The following RGS6 variants were observed in gnomAD, a reference collection of about 807,000 sequenced individuals.
The protein encoded by RGS6 is regulator of G protein signaling 6, also known as regulator of G-protein signaling 6.
Under a neutral mutation model 78.5 loss-of-function variants are expected in RGS6, and 30 were observed. The ratio of observed to expected loss-of-function variants is 0.38; its 90% CI spans 0.29 to 0.52. RGS6 has a LOEUF of 0.52. RGS6 is among the 20% of genes least tolerant of loss of function. The pLI, the probability that RGS6 is intolerant of heterozygous loss-of-function variation, is 0.85. For synonymous variants in RGS6, 206 were observed against 206.0 expected, an observed-to-expected ratio of 1.00 and a Z score of 0.00; for missense variants, 495 against 609.7, an observed-to-expected ratio of 0.81 and a Z score of 1.98.
At chr14:72,163,504 AATAAATGC>A (rs2096881204) in intron 2 of RGS6, among the ~76,000 whole-genome samples, 1 of 152,232 alleles carries the variant, frequency 6.6e-6, no homozygotes, top group Admixed American at 6.5e-5. Context: ...AGCCATTGAA[AATAAATGC>A]ATAAATAGCA....
At position 72,340,739 on chromosome 14, in the gene RGS6, T is replaced by A. The variant is rs193171311; in HGVS notation, c.85-11356T>A. ...GAAAATGCACTTCTCTCCAGAGCTC[T>A]GGGAGACTGTGAAAGGCTCTCTCAT... On this transcript the variant is annotated intron_variant, in intron 2 of 17. Coordinates refer to ENST00000553525, the MANE Select transcript of RGS6 (RefSeq NM_001204424.2). Among the ~76,000 whole-genome samples the A allele has an allele frequency of 7.2e-5, 11 of 152,324 alleles. No homozygotes were observed. In the East Asian group the frequency reaches 2.1e-3, roughly 29 times the overall value.
chr14:71,982,405 A>G lies in RGS6; in HGVS notation c.84+17530A>G, dbSNP rs189166432. On this transcript the variant is annotated intron_variant, in intron 2 of 17. Transcript: ENST00000553525. ...CTAGGACAATGTTACGTTACTTCTG[A>G]GAGAACTTAACTATTTTTTTCTTTT... 1.6e-4 allele frequency among the ~76,000 whole-genome samples: 25 copies of G among 152,334 alleles called. No homozygotes were observed. In the East Asian group the frequency reaches 4.2e-3, roughly 26 times the overall value.
At chr14:72,500,052 A>G (rs780102267) in intron 13 of RGS6, among the ~76,000 whole-genome samples, 3 of 152,250 alleles carry the variant, frequency 2.0e-5, no homozygotes, top group Non-Finnish European at 2.9e-5. Context: ...TCACAATGAT[A>G]AAATGAACTT....
At chr14:72,516,366 G>A (rs915292301) in intron 14 of RGS6, among the ~76,000 whole-genome samples, 3 of 152,202 alleles carry the variant, frequency 2.0e-5, no homozygotes, top group African/African-American at 7.2e-5. Flanking sequence ...CAGCTCAAGA[G>A]TCAAGGGCCC....
At chr14:72,539,552 C>T (rs1449873481) in intron 16 of RGS6, among the ~76,000 whole-genome samples, 1 of 152,188 alleles carries the variant, frequency 6.6e-6, no homozygotes, top group Non-Finnish European at 1.5e-5. Context: ...AACTTCGCTT[C>T]CCCGGCAGCC....
At chr14:72,408,618 T>G (rs1453804477) in intron 3 of RGS6, among the ~76,000 whole-genome samples, 4 of 152,206 alleles carry the variant, frequency 2.6e-5, no homozygotes, top group Non-Finnish European at 5.9e-5. Context: ...GTTGAATGAC[T>G]TTTTTATAGA....
chr14:72,137,797 A>G, intron 2 of RGS6, among the ~76,000 whole-genome samples: 1 of 152,200 alleles, frequency 6.6e-6, no homozygotes, highest in East Asian at 1.9e-4. Flanking sequence ...TCACAAACTG[A>G]GAAGCTCTCT....
At chr14:72,346,384 T>G (rs935352343) in intron 2 of RGS6, among the ~76,000 whole-genome samples, 1 of 152,180 alleles carries the variant, frequency 6.6e-6, no homozygotes, top group Non-Finnish European at 1.5e-5. Context: ...AGGAGCAGTG[T>G]GAGGGCCTCT....
At chr14:71,961,507 G>A (rs953760374) in intron 1 of RGS6, among the ~76,000 whole-genome samples, 1 of 152,180 alleles carries the variant, frequency 6.6e-6, no homozygotes, top group African/African-American at 2.4e-5. Context: ...TAAAGGCACA[G>A]AGAGGAGAAG....
At chr14:72,435,370 T>C (rs753671783) in intron 3 of RGS6, among the ~76,000 whole-genome samples, 19 of 152,332 alleles carry the variant, frequency 1.2e-4, no homozygotes, top group Non-Finnish European at 1.8e-4. Context: ...TCCTTAGTAA[T>C]AAAACCCTGC....
chr14:71,948,427 C>T (rs779277547), intron 1 of RGS6, among the ~76,000 whole-genome samples: 2 of 152,188 alleles, frequency 1.3e-5, no homozygotes, highest in Non-Finnish European at 2.9e-5. Flanking sequence ...TTTTTTGCAT[C>T]ACTGTATGTG....
chr14:72,512,159 C>A (rs1346754810), intron 14 of RGS6, among the ~76,000 whole-genome samples: 1 of 152,128 alleles, frequency 6.6e-6, no homozygotes, highest in Non-Finnish European at 1.5e-5. Context: ...GGTATAGAGG[C>A]CCCCTTTACC....
the RGS6 span, among the ~76,000 whole-genome samples, chr14:71,876,136 A>C: frequency 2.0e-5 from 3 of 152,118 alleles, no homozygotes; most frequent in Admixed American, 2.0e-4. Context: ...TTTGGGGTGG[A>C]GAGTTCTGTA....
chr14:72,182,175 C>T (rs547225132), intron 2 of RGS6, among the ~76,000 whole-genome samples: 8 of 152,060 alleles, frequency 5.3e-5, no homozygotes, highest in African/African-American at 1.7e-4. Flanking sequence ...TTTGGGAGGC[C>T]GAGGTGGGCG....
At chr14:72,030,203 C>G (rs561914737) in intron 2 of RGS6, among the ~76,000 whole-genome samples, 9 of 152,120 alleles carry the variant, frequency 5.9e-5, no homozygotes, top group African/African-American at 2.2e-4. Context: ...CAAACAATAG[C>G]AACAAAGGAG....
At chr14:72,092,874 G>T (rs146707272) in intron 2 of RGS6, among the ~76,000 whole-genome samples, 1 of 152,046 alleles carries the variant, frequency 6.6e-6, no homozygotes, top group Non-Finnish European at 1.5e-5. Context: ...GTCAACTGAA[G>T]TCCATACGTT....
intron 13 of RGS6, among the ~76,000 whole-genome samples, chr14:72,505,708 G>C (rs770556013): frequency 2.6e-5 from 4 of 152,220 alleles, no homozygotes; most frequent in Non-Finnish European, 5.9e-5. Flanking sequence ...CCTACCAGCT[G>C]TGTGACCTTG....
the RGS6 span, among the ~76,000 whole-genome samples, chr14:72,597,348 T>G: frequency 6.6e-6 from 1 of 152,264 alleles, no homozygotes; most frequent in African/African-American, 2.4e-5. Flanking sequence ...GGCATCTGGC[T>G]CGTTGTAAAG....
chr14:72,361,941 C>G (rs1388386118), intron 3 of RGS6, among the ~76,000 whole-genome samples: 1 of 152,130 alleles, frequency 6.6e-6, no homozygotes, highest in Non-Finnish European at 1.5e-5. Flanking sequence ...GGGAAAATAG[C>G]CACCACGTAA....
Sources: gnomAD v4.1 joint callset for allele counts (sites outside exome capture counted in the v4.1 genomes callset) on GRCh38, gnomAD v4.1.1 for gene constraint, MANE v1.5 for transcripts, NCBI Gene and HGNC (gene_info 2026-07-23, HGNC 2026-07-21) for gene names.